Variants in PDCD6 observed in about 807,000 individuals in gnomAD.
The protein encoded by PDCD6 is programmed cell death protein 6.
Under a neutral mutation model 28.3 loss-of-function variants are expected in PDCD6, and 12 were observed. The ratio of observed to expected loss-of-function variants is 0.42; its 90% CI spans 0.27 to 0.69. The LOEUF (loss-of-function observed/expected upper bound fraction) is 0.69. Among genes scored for constraint, PDCD6 ranks in the 30% least tolerant of loss-of-function variants. The probability of loss-of-function intolerance (pLI) is 0.22; values close to 1 mark genes in which losing one functional copy is unlikely to be tolerated. For synonymous variants in PDCD6, 92 were observed against 108.0 expected (o/e 0.85, Z 0.92); for missense variants, 226 against 269.9 (o/e 0.84, Z 1.14).
chr5:297,116 A>G (rs16881322), intron 2 of PDCD6, among the ~76,000 whole-genome samples: 18,790 of 147,922 alleles, frequency 0.13, 1,286 homozygotes, highest in Admixed American at 0.16. Context: ...TGAAGCATGA[A>G]TGAATCCCGA....
rs1393884956 is a variant in PDCD6, at chr5:306,735, G to T, written c.342G>T (p.Glu114Asp). 2 of 1,614,000 alleles carry T rather than the reference G, an allele frequency of 1.2e-6. No homozygotes were observed. Among genetic ancestry groups the T allele is most frequent in the Non-Finnish European group, 1.7e-6 (2 of 1,180,026 alleles). ...ACTCCGGGATGATCGATAAGAACGA[G>T]CTGAAGCAGGCCCTCTCAGGTTTCG... is the stretch of plus-strand genomic sequence containing the variant. ...RDNSGMIDKN[E>D]LKQALSGFGY... The change falls in exon 4 of 6, where the codon GAG (glutamate) becomes GAT (aspartate). Residue 114 changes from glutamate to aspartate, a missense_variant. This residue lies in a region of PDCD6 where 151 missense variants were observed against 177.2 expected (regional missense o/e 0.85). Coordinates refer to ENST00000264933, the MANE Select transcript of PDCD6 (RefSeq NM_013232.4).
intron 2 of PDCD6, among the ~76,000 whole-genome samples, chr5:274,727 TG>T (rs1297568520): frequency 3.9e-5 from 6 of 152,090 alleles, no homozygotes; most frequent in African/African-American, 1.4e-4. Context: ...TGTTTGGGGG[TG>T]GGGGAGACAC....
At chr5:298,616 G>A (rs1163602422) in intron 2 of PDCD6, among the ~76,000 whole-genome samples, 1 of 113,818 alleles carries the variant, frequency 8.8e-6, no homozygotes, top group African/African-American at 3.2e-5. Flanking sequence ...TGCAGCCAGC[G>A]GACCCTGCCC....
intron 5 of PDCD6, among the ~76,000 whole-genome samples, chr5:313,209 G>GT (rs1190614503): frequency 2.0e-5 from 3 of 152,324 alleles, no homozygotes; most frequent in African/African-American, 7.2e-5. Context: ...CAGACCTCAA[G>GT]TTAAAATTCC....
intron 2 of PDCD6, among the ~76,000 whole-genome samples, chr5:285,625 TC>T (rs1738902306): frequency 6.6e-6 from 1 of 151,180 alleles, no homozygotes; most frequent in Admixed American, 6.6e-5. Context: ...GATCTGATGT[TC>T]CAGTTTCAGG....
intron 2 of PDCD6, chr5:276,056 T>C (rs537894764): frequency 5.7e-5 from 68 of 1,197,218 alleles, no homozygotes; most frequent in Admixed American, 3.0e-4. Context: ...TTGGCAACAT[T>C]GTGAGACCCT....
intron 2 of PDCD6, among the ~76,000 whole-genome samples, chr5:296,233 G>GC (rs1168080046): frequency 6.6e-6 from 1 of 152,150 alleles, no homozygotes; most frequent in Non-Finnish European, 1.5e-5. Context: ...GATCTGATCG[G>GC]CCACGACACC....
chr5:297,667 TC>T (rs757560257), intron 2 of PDCD6, among the ~76,000 whole-genome samples: 9 of 151,952 alleles, frequency 5.9e-5, no homozygotes, highest in Non-Finnish European at 1.2e-4. Context: ...CACGAGATCT[TC>T]CCTCTCAGCC....
intron 2 of PDCD6, among the ~76,000 whole-genome samples, chr5:284,933 A>G (rs1246941522): frequency 2.2e-5 from 3 of 138,342 alleles, no homozygotes; most frequent in Admixed American, 7.5e-5. Context: ...AGGAATATCA[A>G]ACTCGAACAT....
At chr5:286,280 A>G (rs1184516552) in intron 2 of PDCD6, among the ~76,000 whole-genome samples, 2 of 137,426 alleles carry the variant, frequency 1.5e-5, no homozygotes, top group African/African-American at 2.9e-5. Context: ...CTGGAGACCC[A>G]GCGGGGAGCT....
intron 2 of PDCD6, among the ~76,000 whole-genome samples, chr5:302,404 T>TGTGTGTGTGTGTGTGG (rs1740143080): frequency 1.1e-5 from 1 of 93,120 alleles, no homozygotes; most frequent in African/African-American, 8.0e-5. Flanking sequence ...TCTGTGTGTA[T>TGTGTGTGTGTGTGTGG]GCCTCAGGTT....
intron 5 of PDCD6, among the ~76,000 whole-genome samples, chr5:312,843 C>A (rs2015774): frequency 0.18 from 27,504 of 152,000 alleles, 5,574 homozygotes; most frequent in African/African-American, 0.5. Context: ...GAAAAGATGC[C>A]GTGTAAAATC....
intron 2 of PDCD6, among the ~76,000 whole-genome samples, chr5:286,605 C>G (rs1397894598): frequency 1.3e-5 from 2 of 151,572 alleles, no homozygotes; most frequent in African/African-American, 4.9e-5. Flanking sequence ...CACTGGAGAG[C>G]CTGCGGGGAT....
chr5:303,374 A>AT lies in PDCD6; in HGVS notation c.164-796dup, dbSNP rs575361233. Among the ~76,000 whole-genome samples, 24 of 151,624 alleles carry AT rather than the reference A, an allele frequency of 1.6e-4. No homozygotes were observed. In the South Asian group the frequency reaches 3.1e-3, roughly 20 times the overall value. On this transcript the variant is annotated intron_variant, in intron 2 of 5. Coordinates refer to ENST00000264933, the MANE Select transcript of PDCD6 (RefSeq NM_013232.4). ...ACTGGTCTCTCCTGACCTTAAAAAT[A>AT]TTTTTTTAGTTCATTTTTAGTGAGT...
In PDCD6 at chr5:292,202, G is replaced by T. The variant is rs182340969; in HGVS notation, c.164-11975G>T. On this transcript the variant is annotated intron_variant, in intron 2 of 5. Coordinates refer to ENST00000264933, the MANE Select transcript of PDCD6 (RefSeq NM_013232.4). ...TCCTCTTCTGTGGAGGGCCAGTTCA[G>T]CTCTTTTCCCCAGTTTCTGTTAAGT... Among the ~76,000 whole-genome samples the T allele has an allele frequency of 3.7e-4, 57 of 152,234 alleles. No individual in the cohort carries two copies. In the East Asian group the frequency reaches 9.3e-3, roughly 25 times the overall value.
intron 5 of PDCD6, among the ~76,000 whole-genome samples, chr5:313,533 C>T (rs77469746): frequency 0.019 from 2,958 of 152,264 alleles, 81 homozygotes; most frequent in African/African-American, 0.063. Context: ...GTGTAAACAG[C>T]TCACTGCAGC....
At chr5:296,601 C>G (rs1010746659) in intron 2 of PDCD6, among the ~76,000 whole-genome samples, 3 of 152,186 alleles carry the variant, frequency 2.0e-5, no homozygotes, top group African/African-American at 4.8e-5. Context: ...CAAAAACACA[C>G]GCTGCTAATT....
At chr5:300,026 A>G (rs62329989) in intron 2 of PDCD6, among the ~76,000 whole-genome samples, 39,770 of 151,770 alleles carry the variant, frequency 0.26, 7,713 homozygotes, top group African/African-American at 0.55. Context: ...GATGGTATTT[A>G]TTGCCCCTGG....
intron 2 of PDCD6, chr5:289,169 A>G: frequency 2.0e-6 from 2 of 982,228 alleles, no homozygotes; most frequent in Non-Finnish European, 3.0e-6. Flanking sequence ...AAAATAAGCA[A>G]ATGTTGTTGT....
Sources: allele counts gnomAD v4.1 joint callset (sites outside exome capture counted in the v4.1 genomes callset), GRCh38; gene constraint gnomAD v4.1.1; regional missense constraint gnomAD v4.1.1; transcripts MANE v1.5; gene names NCBI Gene and HGNC (gene_info 2026-07-23, HGNC 2026-07-21).